Variants in UNC79 observed in about 807,000 individuals in gnomAD.
The protein encoded by UNC79 is unc-79 subunit of NALCN channel complex.
A neutral mutation model predicts 283.1 loss-of-function variants in UNC79; 37 were observed. The observed-to-expected ratio is 0.13, with a 90% confidence interval of 0.10 to 0.17. The LOEUF is 0.17. Ranked by LOEUF, UNC79 falls within the 10% of genes least tolerant of loss-of-function variation. The pLI is 1.00. For missense variants in UNC79, 2,272 were observed against 3,211.1 expected, an observed-to-expected ratio of 0.71 and a Z score of 7.07; for synonymous variants, 1,107 against 1,200.2, an observed-to-expected ratio of 0.92 and a Z score of 1.61.
At chr14:93,506,713 A>T (rs567870443) in intron 7 of UNC79, among the ~76,000 whole-genome samples, 1 of 152,134 alleles carries the variant, frequency 6.6e-6, no homozygotes, top group African/African-American at 2.4e-5. Context: ...TGTCACTGGA[A>T]AATTGTCAGG....
chr14:93,566,119 A>G (rs1037529984), intron 14 of UNC79, among the ~76,000 whole-genome samples: 2 of 152,216 alleles, frequency 1.3e-5, no homozygotes, highest in East Asian at 3.8e-4. Flanking sequence ...ACAGCTGCCC[A>G]TCAGCTGCAG....
chr14:93,566,334 G>C (rs1028151499), intron 14 of UNC79, among the ~76,000 whole-genome samples: 1 of 152,198 alleles, frequency 6.6e-6, no homozygotes, highest in Non-Finnish European at 1.5e-5. Flanking sequence ...GAGCAAGGGA[G>C]ACAGTGGAAG....
intron 7 of UNC79, among the ~76,000 whole-genome samples, chr14:93,512,755 C>T (rs2059887171): frequency 1.3e-5 from 2 of 152,054 alleles, no homozygotes; most frequent in South Asian, 2.1e-4. Context: ...TTTCATCTCT[C>T]TCTGGGAATT....
At chr14:93,517,684 C>T (rs902768477) in intron 7 of UNC79, among the ~76,000 whole-genome samples, 1 of 152,032 alleles carries the variant, frequency 6.6e-6, no homozygotes. Flanking sequence ...TTCCCCATCC[C>T]CCACCATTTC....
chr14:93,559,873 AT>A (rs1332684474), intron 14 of UNC79, among the ~76,000 whole-genome samples: 3 of 152,126 alleles, frequency 2.0e-5, no homozygotes, highest in South Asian at 4.1e-4. Context: ...GAAAAATAAC[AT>A]AAAATAGTGT....
At chr14:93,417,962 T>C (rs551761126) in intron 1 of UNC79, among the ~76,000 whole-genome samples, 68 of 151,878 alleles carry the variant, frequency 4.5e-4, no homozygotes, top group Admixed American at 3.3e-3. Flanking sequence ...TTGACTTTGG[T>C]TTGAATTTCC....
chr14:93,514,488 G>A (rs985398573), intron 7 of UNC79, among the ~76,000 whole-genome samples: 1 of 152,104 alleles, frequency 6.6e-6, no homozygotes, highest in Non-Finnish European at 1.5e-5. Flanking sequence ...CAAAATCTCT[G>A]TTCTGCTTTC....
intron 7 of UNC79, among the ~76,000 whole-genome samples, chr14:93,514,620 G>A (rs2059972452): frequency 6.6e-6 from 1 of 152,134 alleles, no homozygotes; most frequent in South Asian, 2.1e-4. Context: ...GCTCTCCTCT[G>A]TTCTCTACCT....
intron 1 of UNC79, among the ~76,000 whole-genome samples, chr14:93,412,168 A>G (rs2055349184): frequency 6.6e-6 from 1 of 152,214 alleles, no homozygotes; most frequent in South Asian, 2.1e-4. Context: ...AGAGTCTTTT[A>G]ATAGCAGAAT....
intron 1 of UNC79, among the ~76,000 whole-genome samples, chr14:93,356,331 T>G (rs1364010607): frequency 6.6e-6 from 1 of 152,162 alleles, no homozygotes; most frequent in Non-Finnish European, 1.5e-5. Flanking sequence ...CCCAGCCACT[T>G]CTATTTCACT....
At chr14:93,537,392 A>G (rs1350992993) in intron 11 of UNC79, among the ~76,000 whole-genome samples, 1 of 152,238 alleles carries the variant, frequency 6.6e-6, no homozygotes, top group African/African-American at 2.4e-5. Flanking sequence ...TGGTCTTCAC[A>G]GAGTGCCGGT....
intron 48 of UNC79, among the ~76,000 whole-genome samples, chr14:93,705,243 A>T (rs982756740): frequency 2.0e-5 from 3 of 150,658 alleles, no homozygotes; most frequent in Admixed American, 1.3e-4. Flanking sequence ...TCTCTATTTT[A>T]AAAAAAGAAA....
intron 30 of UNC79, among the ~76,000 whole-genome samples, chr14:93,626,032 C>A (rs2067544467): frequency 6.6e-6 from 1 of 152,102 alleles, no homozygotes; most frequent in South Asian, 2.1e-4. Flanking sequence ...CAACTACATG[C>A]ACAAAATAAA....
chr14:93,679,750 T>G (rs1022004658), intron 41 of UNC79, among the ~76,000 whole-genome samples: 2 of 152,198 alleles, frequency 1.3e-5, no homozygotes, highest in Non-Finnish European at 2.9e-5. Flanking sequence ...ATGAAGTTAG[T>G]AATGACATAT....
Position 93,339,461 on chromosome 14 carries a change from G to A in UNC79, c.-351+5938G>A, listed in dbSNP as rs1209355820. 3.9e-5 allele frequency among the ~76,000 whole-genome samples: 6 copies of A among 152,142 alleles called. No homozygotes were observed. In the East Asian group the frequency reaches 5.8e-4, roughly 15 times the overall value. ...ACTACAGGTGCCTGCCACCACGCCC[G>A]GCTAATTTTTTGTATTTTTAGTAGA... On this transcript the variant is annotated intron_variant, in intron 1 of 49. Coordinates refer to the UNC79 transcript ENST00000256339.
At chr14:93,361,484 C>T (rs1478076846) in intron 1 of UNC79, among the ~76,000 whole-genome samples, 7 of 149,074 alleles carry the variant, frequency 4.7e-5, no homozygotes, top group Non-Finnish European at 8.9e-5. Context: ...GCACTACAGC[C>T]TGGGCGACAC....
intron 2 of UNC79, among the ~76,000 whole-genome samples, chr14:93,469,398 C>A (rs1435118468): frequency 6.6e-6 from 1 of 151,852 alleles, no homozygotes; most frequent in African/African-American, 2.4e-5. Flanking sequence ...CAATTGCAAC[C>A]ATTTTTTTTA....
At chr14:93,515,512 T>G (rs1221155348) in intron 7 of UNC79, among the ~76,000 whole-genome samples, 3 of 152,144 alleles carry the variant, frequency 2.0e-5, no homozygotes, top group African/African-American at 7.2e-5. Context: ...AAACCTAATT[T>G]GAGACTTAGT....
In UNC79 at chr14:93,656,258, A is replaced by T. The variant is rs571640668; in HGVS notation, c.6456+851A>T. On this transcript the variant is annotated intron_variant, in intron 38 of 48. Coordinates refer to ENST00000555664, the Ensembl canonical transcript of UNC79. Reference sequence around the variant, plus strand: ...GCTGGCTTTGAACCTGACCTGTTCCATGAGGTTTTTTGTGCTTTCTCTATG... The same window carrying T: ...GCTGGCTTTGAACCTGACCTGTTCCTTGAGGTTTTTTGTGCTTTCTCTATG... 7.2e-5 allele frequency among the ~76,000 whole-genome samples: 11 copies of T among 152,234 alleles called. No homozygotes were observed. The East Asian group carries it at 1.9e-3, about 27-fold the overall frequency.
Sources: gnomAD v4.1 joint callset for allele counts (sites outside exome capture counted in the v4.1 genomes callset) on GRCh38, gnomAD v4.1.1 for gene constraint, MANE v1.5 for transcripts, NCBI Gene and HGNC (gene_info 2026-07-23, HGNC 2026-07-21) for gene names.